The following INO80C variants were observed in gnomAD, a reference collection of about 807,000 sequenced individuals.
The protein encoded by INO80C is IES6 homolog.
INO80C carries 17 observed loss-of-function variants against 17.7 expected under a neutral mutation model. The ratio of observed to expected loss-of-function variants is 0.96; its 90% CI spans 0.66 to 1.44. INO80C has a LOEUF of 1.44. INO80C is among the 40% of genes most tolerant of loss of function. The pLI is 0.00. For missense variants in INO80C, 244 were observed against 245.0 expected (o/e 1.00, Z 0.03); for synonymous variants, 96 against 95.8 (o/e 1.00, Z -0.01).
chr18:35,491,835 C>T (rs574511145), intron 1 of INO80C, among the ~76,000 whole-genome samples: 44 of 152,282 alleles, frequency 2.9e-4, no homozygotes, highest in African/African-American at 9.9e-4. Flanking sequence ...TATGAACACC[C>T]TAAGAGGAGA....
intron 4 of INO80C, among the ~76,000 whole-genome samples, chr18:35,476,674 A>G (rs1442535098): frequency 6.6e-6 from 1 of 152,202 alleles, no homozygotes; most frequent in African/African-American, 2.4e-5. Context: ...GAATAGCCTA[A>G]GGACAACAGT....
At chr18:35,481,174 A>T (rs1460018597) in intron 1 of INO80C, among the ~76,000 whole-genome samples, 1 of 152,210 alleles carries the variant, frequency 6.6e-6, no homozygotes, top group African/African-American at 2.4e-5. Context: ...AAACGGAAAA[A>T]AAGCTGGAGG....
chr18:35,477,658 T>G (rs1265638991), intron 4 of INO80C, among the ~76,000 whole-genome samples: 1 of 152,222 alleles, frequency 6.6e-6, no homozygotes, highest in Non-Finnish European at 1.5e-5. Flanking sequence ...GGGGGTGTTC[T>G]GAGGTTCCTG....
At chr18:35,469,779 G>A (rs1157868861) in intron 4 of INO80C, among the ~76,000 whole-genome samples, 7 of 152,208 alleles carry the variant, frequency 4.6e-5, no homozygotes, top group Non-Finnish European at 1.0e-4. Flanking sequence ...TATCATTGTA[G>A]ACTGGCTCCT....
At chr18:35,476,788 C>A (rs2045742453) in intron 4 of INO80C, among the ~76,000 whole-genome samples, 1 of 151,956 alleles carries the variant, frequency 6.6e-6, no homozygotes, top group Non-Finnish European at 1.5e-5. Flanking sequence ...ATCACTTGAG[C>A]CAAGGAGTTC....
chr18:35,483,861 C>G (rs1435970884), intron 1 of INO80C, among the ~76,000 whole-genome samples: 1 of 152,166 alleles, frequency 6.6e-6, no homozygotes, highest in African/African-American at 2.4e-5. Context: ...AGTAAATCTT[C>G]TCTGAGTATA....
At chr18:35,479,171 C>A in intron 3 of INO80C, 129 bp downstream of exon 3, 2 of 623,946 alleles carry the variant, frequency 3.2e-6, no homozygotes, top group Non-Finnish European at 5.7e-6. Flanking sequence ...CAGACTGATG[C>A]CACTATAAAA....
chr18:35,483,954 C>T (rs1037151452), intron 1 of INO80C, among the ~76,000 whole-genome samples: 25 of 152,052 alleles, frequency 1.6e-4, no homozygotes, highest in Non-Finnish European at 2.8e-4. Context: ...AACAAGGATG[C>T]GGCAGGGGAT....
chr18:35,492,733 C>G (rs546006922), intron 1 of INO80C, among the ~76,000 whole-genome samples: 6 of 152,170 alleles, frequency 3.9e-5, no homozygotes, highest in Non-Finnish European at 8.8e-5. Context: ...CTCTCATTAT[C>G]TGCCCTATCC....
chr18:35,487,680 TC>T (rs2144074811), intron 1 of INO80C: 1 of 155,896 alleles, frequency 6.4e-6, no homozygotes, highest in African/African-American at 2.4e-5. Context: ...CCCCGGCCCC[TC>T]CCAAATCTCA....
intron 4 of INO80C, among the ~76,000 whole-genome samples, chr18:35,472,289 G>C (rs982199795): frequency 5.9e-5 from 9 of 152,070 alleles, no homozygotes; most frequent in Admixed American, 3.3e-4. Flanking sequence ...TTGAATGATC[G>C]CCATTCTAAC....
chr18:35,477,566 GT>G (rs762697221), intron 4 of INO80C, among the ~76,000 whole-genome samples: 2 of 152,066 alleles, frequency 1.3e-5, no homozygotes, highest in Non-Finnish European at 2.9e-5. Flanking sequence ...TCATCCATTT[GT>G]TTAAGAAAAC....
chr18:35,485,300 CA>C, intron 1 of INO80C, among the ~76,000 whole-genome samples: 1 of 152,262 alleles, frequency 6.6e-6, no homozygotes, highest in Admixed American at 6.5e-5. Flanking sequence ...GGACCAATTT[CA>C]AAAACTTAAG....
intron 1 of INO80C, 141 bp downstream of exon 1, chr18:35,497,578 A>G (rs1598755451): frequency 1.4e-6 from 2 of 1,424,010 alleles, no homozygotes; most frequent in African/African-American, 3.0e-5. Context: ...GTAGTCATTC[A>G]CTCCGCGGGG....
chr18:35,481,779 G>A (rs1364065275), intron 1 of INO80C, among the ~76,000 whole-genome samples: 1 of 152,196 alleles, frequency 6.6e-6, no homozygotes, highest in African/African-American at 2.4e-5. Context: ...AGCTACTCGG[G>A]AGGCTGAGGC....
At chr18:35,469,981 T>C (rs1313590457) in intron 4 of INO80C, among the ~76,000 whole-genome samples, 1 of 152,216 alleles carries the variant, frequency 6.6e-6, no homozygotes, top group Non-Finnish European at 1.5e-5. Context: ...ACTAACTATA[T>C]ACCTCAAAGC....
At chr18:35,479,461 C>T (rs1567982181) in intron 2 of INO80C, 50 bp from the exon 3 acceptor site, 1 of 1,107,118 alleles carries the variant, frequency 9.0e-7, no homozygotes. Flanking sequence ...TGGAGACTAC[C>T]ATTTCGACAT....
intron 3 of INO80C, 176 bp downstream of exon 3, chr18:35,479,124 C>T (rs980587247): frequency 3.4e-5 from 19 of 557,014 alleles, no homozygotes; most frequent in African/African-American, 9.6e-5. Context: ...AGGCTCAATA[C>T]AGATACAGTT....
intron 1 of INO80C, among the ~76,000 whole-genome samples, chr18:35,496,265 G>A (rs540215531): frequency 6.6e-6 from 1 of 152,088 alleles, no homozygotes. Flanking sequence ...TATTCATCGG[G>A]TGTATGTTTA....
Sources: gnomAD v4.1 joint callset for allele counts (sites outside exome capture counted in the v4.1 genomes callset) on GRCh38, gnomAD v4.1.1 for gene constraint, MANE v1.5 for transcripts, NCBI Gene and HGNC (gene_info 2026-07-23, HGNC 2026-07-21) for gene names.